COL21A1: variants seen among roughly 807,000 people sequenced by gnomAD.
COL21A1 encodes the protein collagen alpha-1(XXI) chain.
A neutral mutation model predicts 137.9 loss-of-function variants in COL21A1; 149 were observed. That is an observed-to-expected ratio of 1.08 (90% CI 0.95 to 1.24). The LOEUF (loss-of-function observed/expected upper bound fraction) is 1.24, where lower values mean the gene tolerates loss of function less well. Ranked by LOEUF, COL21A1 falls within the 50% of genes most tolerant of loss-of-function variation. COL21A1 has a pLI of 0.00. For missense variants in COL21A1, 1,167 were observed against 1,158.4 expected (o/e 1.01, Z -0.11); for synonymous variants, 456 against 391.5 (o/e 1.16, Z -1.95).
intron 2 of COL21A1, among the ~76,000 whole-genome samples, chr6:56,182,043 A>AC (rs1247639479): frequency 6.6e-6 from 1 of 152,142 alleles, no homozygotes; most frequent in Non-Finnish European, 1.5e-5. Flanking sequence ...ACATAAGCAA[A>AC]CTTTTTTTTA....
At chr6:56,265,163 G>T (rs1186999080) in intron 1 of COL21A1, among the ~76,000 whole-genome samples, 1 of 152,204 alleles carries the variant, frequency 6.6e-6, no homozygotes, top group Admixed American at 6.5e-5. Context: ...AAGTCTTCAA[G>T]CTACTTGGAA....
intron 16 of COL21A1, among the ~76,000 whole-genome samples, chr6:56,117,894 G>GAA (rs1332878554): frequency 6.6e-6 from 1 of 151,848 alleles, no homozygotes; most frequent in Non-Finnish European, 1.5e-5. Flanking sequence ...AGTAATCATG[G>GAA]AAACACAGCA....
intron 1 of COL21A1, among the ~76,000 whole-genome samples, chr6:56,209,225 C>T (rs1469637671): frequency 6.6e-6 from 1 of 151,920 alleles, no homozygotes; most frequent in Non-Finnish European, 1.5e-5. Context: ...ATGGGCAAAG[C>T]CTTTATGACT....
At chr6:56,300,256 A>G (rs1371702037) in intron 1 of COL21A1, among the ~76,000 whole-genome samples, 6 of 152,126 alleles carry the variant, frequency 3.9e-5, no homozygotes, top group Admixed American at 3.3e-4. Context: ...ATCAGAGTAG[A>G]GGCTGGAAGT....
chr6:56,089,162 T>C (rs1768550986), intron 17 of COL21A1, among the ~76,000 whole-genome samples: 1 of 152,140 alleles, frequency 6.6e-6, no homozygotes, highest in African/African-American at 2.4e-5. Flanking sequence ...TAGCATCACA[T>C]GGCATTTTAA....
intron 17 of COL21A1, among the ~76,000 whole-genome samples, chr6:56,097,425 A>T (rs1329658717): frequency 6.6e-6 from 1 of 152,030 alleles, no homozygotes; most frequent in Non-Finnish European, 1.5e-5. Flanking sequence ...TCCTTTTACC[A>T]TCTATCTCCC....
intron 17 of COL21A1, among the ~76,000 whole-genome samples, chr6:56,088,665 T>A (rs1019013852): frequency 1.3e-5 from 2 of 152,178 alleles, no homozygotes; most frequent in South Asian, 4.1e-4. Context: ...ATGTCACAAC[T>A]TTTTTTCTGC....
chr6:56,195,713 C>G (rs1050218904), intron 1 of COL21A1, among the ~76,000 whole-genome samples: 4 of 152,020 alleles, frequency 2.6e-5, no homozygotes, highest in Admixed American at 1.3e-4. Flanking sequence ...AGACCTAGAA[C>G]TAGTAAAGAG....
chr6:56,135,499 G>C (rs1365797781), intron 12 of COL21A1, among the ~76,000 whole-genome samples: 2 of 151,836 alleles, frequency 1.3e-5, no homozygotes, highest in African/African-American at 4.8e-5. Context: ...TCATATACTT[G>C]TTGAAAGAGA....
chr6:56,108,349 G>A (rs1771131868), intron 16 of COL21A1, among the ~76,000 whole-genome samples: 1 of 151,868 alleles, frequency 6.6e-6, no homozygotes, highest in Non-Finnish European at 1.5e-5. Flanking sequence ...CTCTACACTT[G>A]ATACAAGAGA....
At chr6:56,344,820 T>C (rs6459155) in intron 1 of COL21A1, among the ~76,000 whole-genome samples, 131,946 of 152,130 alleles carry the variant, frequency 0.87, 57,422 homozygotes, top group East Asian at 0.97. Context: ...TCCTCCTGCT[T>C]CAGCTATGTA....
chr6:56,124,224 T>C lies in COL21A1; in HGVS notation c.1704+15A>G, dbSNP rs555238631. ...TTAAAGCAAAATACTAAGAGCTTTT[T>C]TCTATCAAACTCACAGCAGGTCCAG... On this transcript the variant is annotated intron_variant, in intron 15 of 29. Transcript: ENST00000244728. 2 of 1,588,446 alleles carry C rather than the reference T, an allele frequency of 1.3e-6. No homozygotes were observed. The highest frequency in any genetic ancestry group is 2.3e-5 in the East Asian group (1 of 44,022).
At chr6:56,290,788 C>A (rs1471851248) in intron 1 of COL21A1, among the ~76,000 whole-genome samples, 3 of 152,180 alleles carry the variant, frequency 2.0e-5, no homozygotes, top group Non-Finnish European at 2.9e-5. Flanking sequence ...GCGTGAGCCA[C>A]CACGCCCGGC....
intron 1 of COL21A1, among the ~76,000 whole-genome samples, chr6:56,375,156 C>T (rs375118500): frequency 3.9e-5 from 6 of 152,040 alleles, no homozygotes; most frequent in South Asian, 2.1e-4. Context: ...TGTTAGAGAC[C>T]GAGAAAGGAA....
intron 1 of COL21A1, among the ~76,000 whole-genome samples, chr6:56,200,363 G>T (rs988407881): frequency 6.6e-6 from 1 of 151,930 alleles, no homozygotes; most frequent in Admixed American, 6.6e-5. Flanking sequence ...GTGCAGGTTG[G>T]TTACATATGT....
intron 1 of COL21A1, among the ~76,000 whole-genome samples, chr6:56,337,684 A>T (rs1360117474): frequency 6.6e-6 from 1 of 152,192 alleles, no homozygotes; most frequent in Non-Finnish European, 1.5e-5. Flanking sequence ...TGCATGTGTA[A>T]CTGTGTCTAA....
In COL21A1 at chr6:56,308,008, A is replaced by G. The variant is rs1198674766; in HGVS notation, c.-39+85963T>C. Among the ~76,000 whole-genome samples, 4 of 152,354 alleles carry G rather than the reference A, an allele frequency of 2.6e-5. No individual in the cohort carries two copies. In the South Asian group the frequency reaches 6.2e-4, roughly 24 times the overall value. ...CAATGAGATGCTGTTAATCCTTTAA[A>G]AAGAAGGAAATTCTGCAATATGCAA... On this transcript the variant is annotated intron_variant, in intron 1 of 28. Transcript: ENST00000370819.
At chr6:56,369,650 G>A (rs556025356) in intron 1 of COL21A1, among the ~76,000 whole-genome samples, 3 of 152,276 alleles carry the variant, frequency 2.0e-5, no homozygotes, top group Non-Finnish European at 4.4e-5. Context: ...GTGTTCAACA[G>A]AGAGAGATCT....
At chr6:56,236,762 G>A (rs755631453) in intron 1 of COL21A1, among the ~76,000 whole-genome samples, 1 of 151,990 alleles carries the variant, frequency 6.6e-6, no homozygotes, top group African/African-American at 2.4e-5. Flanking sequence ...GCTATGGCTT[G>A]CCTCAATCTA....
Sources: allele counts gnomAD v4.1 joint callset (sites outside exome capture counted in the v4.1 genomes callset), GRCh38; gene constraint gnomAD v4.1.1; transcripts MANE v1.5; gene names NCBI Gene and HGNC (gene_info 2026-07-23, HGNC 2026-07-21).